PCDH15: variants seen among roughly 807,000 people sequenced by gnomAD.
The protein encoded by PCDH15 is protocadherin-15.
A neutral mutation model predicts 178.5 loss-of-function variants in PCDH15; 129 were observed. The observed-to-expected ratio is 0.72, with a 90% CI of 0.63 to 0.84. The LOEUF (loss-of-function observed/expected upper bound fraction) is 0.84, where lower values mean the gene tolerates loss of function less well. Ranked by LOEUF, PCDH15 falls within the 40% of genes least tolerant of loss-of-function variation. The pLI is 0.00. For missense variants in PCDH15, 2,230 were observed against 2,099.9 expected (o/e 1.06, Z -1.21); for synonymous variants, 800 against 732.0 (o/e 1.09, Z -1.50).
chr10:54,975,230 C>T (rs1166157736), intron 2 of PCDH15, among the ~76,000 whole-genome samples: 1 of 152,142 alleles, frequency 6.6e-6, no homozygotes, highest in Non-Finnish European at 1.5e-5. Flanking sequence ...TTAATGTAGT[C>T]ATTAGGTGCC....
At chr10:55,509,166 C>T (rs1840825610) in intron 2 of PCDH15, among the ~76,000 whole-genome samples, 1 of 151,586 alleles carries the variant, frequency 6.6e-6, no homozygotes, top group Non-Finnish European at 1.5e-5. Flanking sequence ...AACGTCTGGG[C>T]TGATTCGGAA....
chr10:55,567,728 A>G (rs2132106199), intron 2 of PCDH15, among the ~76,000 whole-genome samples: 1 of 152,062 alleles, frequency 6.6e-6, no homozygotes, highest in Non-Finnish European at 1.5e-5. Context: ...GCAAATAAAA[A>G]CTACAATGAG....
At position 54,195,686 on chromosome 10, in the gene PCDH15, T is replaced by C; in HGVS notation, c.1302A>G (p.Glu434=). The C allele has an allele frequency of 6.2e-7, 1 of 1,612,388 alleles. No homozygotes were observed. The highest frequency in any genetic ancestry group is 8.5e-7 in the Non-Finnish European group (1 of 1,178,538). The change falls in exon 11 of 38, where the codon GAA becomes GAG. Residue 434 remains glutamate, a synonymous_variant. Transcript: ENST00000644397. ...GCAAAATATGTATTTAACTTACATC[T>C]TCTATGTCCTTGTCCAGAGCTACTA... is the stretch of plus-strand genomic sequence containing the variant. ...LRIVALDKDI[E]DTKDPELHLF... is the part of the protein sequence containing the mutation.
chr10:54,271,360 G>A (rs771358827), intron 8 of PCDH15, among the ~76,000 whole-genome samples: 3 of 151,916 alleles, frequency 2.0e-5, no homozygotes, highest in Non-Finnish European at 4.4e-5. Context: ...ATAAGCAGGA[G>A]CCCCCACGCC....
chr10:55,540,886 C>T (rs1211563751), intron 2 of PCDH15, among the ~76,000 whole-genome samples: 2 of 152,028 alleles, frequency 1.3e-5, no homozygotes, highest in Non-Finnish European at 2.9e-5. Context: ...TAAAATACTA[C>T]ATATAACGTC....
At chr10:55,248,952 T>C (rs1841757216) in intron 1 of PCDH15, among the ~76,000 whole-genome samples, 1 of 152,168 alleles carries the variant, frequency 6.6e-6, no homozygotes, top group African/African-American at 2.4e-5. Flanking sequence ...CTAAGATTTA[T>C]ATGGATGAGG....
At chr10:54,469,129 C>T (rs1589575766) in intron 3 of PCDH15, among the ~76,000 whole-genome samples, 2 of 152,082 alleles carry the variant, frequency 1.3e-5, no homozygotes. Flanking sequence ...TAGATTCTTG[C>T]TCTGTTGCCC....
At chr10:54,075,383 TA>T (rs570648421) in intron 17 of PCDH15, among the ~76,000 whole-genome samples, 1 of 88,476 alleles carries the variant, frequency 1.1e-5, no homozygotes, top group African/African-American at 2.8e-5. Flanking sequence ...TCTCAAAAAA[TA>T]AAAAAAAAGA....
At chr10:55,185,263 T>C (rs1839762182) in intron 1 of PCDH15, among the ~76,000 whole-genome samples, 1 of 151,822 alleles carries the variant, frequency 6.6e-6, no homozygotes, top group African/African-American at 2.4e-5. Flanking sequence ...TGGTATACAC[T>C]TTGTCTGTTT....
chr10:54,931,600 A>G (rs892273276), intron 2 of PCDH15, among the ~76,000 whole-genome samples: 4 of 152,192 alleles, frequency 2.6e-5, no homozygotes, highest in Non-Finnish European at 4.4e-5. Flanking sequence ...AGTGGGTGGT[A>G]TTCACTGTTA....
chr10:55,159,477 G>A (rs1839000988), intron 2 of PCDH15, among the ~76,000 whole-genome samples: 2 of 148,180 alleles, frequency 1.3e-5, no homozygotes, highest in South Asian at 2.1e-4. Context: ...TCTATGTTAT[G>A]TACACACACA....
intron 7 of PCDH15, among the ~76,000 whole-genome samples, chr10:54,325,595 A>C (rs1857134): frequency 0.7 from 106,536 of 151,232 alleles, 38,249 homozygotes; most frequent in Middle Eastern, 0.81. Flanking sequence ...CTACACATCC[A>C]AAAATTAGCT....
Position 54,023,244 on chromosome 10 carries a change from G to A in PCDH15, c.2221-47C>T, listed in dbSNP as rs372254687. On this transcript the variant is annotated intron_variant, in intron 18 of 37. Transcript: ENST00000644397. ...CAAAAAAATTCACGTAAGTTTTGAC[G>A]GGCTACTGTAAATGAAGGTAACAGT... The A allele has an allele frequency of 1.5e-4, 229 of 1,551,378 alleles. 1 individual carries two copies. The highest frequency in any genetic ancestry group is 1.4e-3 in the African/African-American group (100 of 73,558).
intron 10 of PCDH15, among the ~76,000 whole-genome samples, chr10:54,197,176 T>C (rs542997768): frequency 1.3e-5 from 2 of 151,508 alleles, no homozygotes; most frequent in South Asian, 2.1e-4. Context: ...AAAATTAATA[T>C]TCTTATGTAT....
At chr10:54,648,909 G>A (rs2094193531) in intron 2 of PCDH15, among the ~76,000 whole-genome samples, 1 of 152,050 alleles carries the variant, frequency 6.6e-6, no homozygotes, top group Non-Finnish European at 1.5e-5. Context: ...AAATATTGAT[G>A]ACTGTGTTAA....
At chr10:53,897,184 G>A (rs1409947797) in intron 26 of PCDH15, among the ~76,000 whole-genome samples, 1 of 97,764 alleles carries the variant, frequency 1.0e-5, no homozygotes, top group East Asian at 5.7e-4. Flanking sequence ...CAACATACAA[G>A]GTAATGCAGA....
intron 2 of PCDH15, among the ~76,000 whole-genome samples, chr10:55,588,515 T>C (rs1842771506): frequency 6.6e-6 from 1 of 152,138 alleles, no homozygotes; most frequent in South Asian, 2.1e-4. Flanking sequence ...AGATGGTGTG[T>C]CTTAGTTCTG....
intron 2 of PCDH15, among the ~76,000 whole-genome samples, chr10:54,960,050 C>T (rs1838602333): frequency 6.6e-6 from 1 of 152,092 alleles, no homozygotes; most frequent in Non-Finnish European, 1.5e-5. Flanking sequence ...TTGAAGCGTC[C>T]AGTCTTATGA....
chr10:55,047,373 A>C, intron 2 of PCDH15, among the ~76,000 whole-genome samples: 1 of 147,536 alleles, frequency 6.8e-6, no homozygotes, highest in East Asian at 2.0e-4. Flanking sequence ...AAAATTATGT[A>C]AAAACTTTGT....
Sources: allele counts gnomAD v4.1 joint callset (sites outside exome capture counted in the v4.1 genomes callset), GRCh38; gene constraint gnomAD v4.1.1; transcripts MANE v1.5; gene names NCBI Gene and HGNC (gene_info 2026-07-23, HGNC 2026-07-21).